The following GNAL variants were observed in gnomAD, a reference collection of about 807,000 sequenced individuals.
GNAL encodes guanine nucleotide-binding protein G(olf) subunit alpha.
In GNAL, 18 loss-of-function variants were observed where a neutral mutation model predicts 55.1. The ratio of observed to expected loss-of-function variants is 0.33; its 90% confidence interval spans 0.23 to 0.48. The LOEUF is 0.48. GNAL is among the 20% of genes least tolerant of loss of function. The pLI, the probability that GNAL is intolerant of heterozygous loss-of-function variation, is 0.99. For missense variants in GNAL, 412 were observed against 614.1 expected, an observed-to-expected ratio of 0.67 and a Z score of 3.48; for synonymous variants, 253 against 237.0, an observed-to-expected ratio of 1.07 and a Z score of -0.62.
At chr18:11,851,278 C>A in intron 5 of GNAL, 1 of 495,816 alleles carries the variant, frequency 2.0e-6, no homozygotes, top group Non-Finnish European at 3.5e-6. Context: ...CCAGAATCCC[C>A]CTGCATGCGC....
chr18:11,812,582 G>A (rs920247669), intron 4 of GNAL, among the ~76,000 whole-genome samples: 7 of 152,194 alleles, frequency 4.6e-5, no homozygotes, highest in African/African-American at 1.4e-4. Flanking sequence ...GGTGGCTCAC[G>A]CCTGTAATCC....
At chr18:11,702,616 C>A (rs1235087122) in intron 1 of GNAL, among the ~76,000 whole-genome samples, 1 of 152,154 alleles carries the variant, frequency 6.6e-6, no homozygotes, top group Non-Finnish European at 1.5e-5. Context: ...CTTCAGTCTA[C>A]AAACTGGAGC....
chr18:11,791,293 T>A (rs2034228504), intron 4 of GNAL, among the ~76,000 whole-genome samples: 1 of 152,194 alleles, frequency 6.6e-6, no homozygotes, highest in Admixed American at 6.5e-5. Flanking sequence ...TTCCTGCCTG[T>A]TTGTTTCTTT....
chr18:11,783,553 C>T (rs2033978908), intron 4 of GNAL, among the ~76,000 whole-genome samples: 1 of 152,236 alleles, frequency 6.6e-6, no homozygotes. Flanking sequence ...TTAATGAATA[C>T]ATCCTCACTC....
intron 5 of GNAL, among the ~76,000 whole-genome samples, chr18:11,843,196 TA>T (rs113159474): frequency 2.3e-3 from 322 of 139,400 alleles, no homozygotes; most frequent in Admixed American, 3.3e-3. Context: ...ACCCTGTCGC[TA>T]AAAAAAAAAA....
intron 1 of GNAL, among the ~76,000 whole-genome samples, chr18:11,713,332 C>T (rs898222972): frequency 6.6e-6 from 1 of 152,102 alleles, no homozygotes; most frequent in East Asian, 1.9e-4. Flanking sequence ...AGGCTGTTGG[C>T]GTGGGGAAGC....
intron 5 of GNAL, among the ~76,000 whole-genome samples, chr18:11,840,642 G>T (rs183097647): frequency 6.0e-4 from 92 of 152,200 alleles, no homozygotes; most frequent in African/African-American, 1.9e-3. Context: ...GTTACCCTTT[G>T]TTGACCACGT....
Position 11,810,344 on chromosome 18 carries a change from G to C in GNAL, c.625-14574G>C, listed in dbSNP as rs570164721. On this transcript the variant is annotated intron_variant, in intron 4 of 11. Coordinates refer to ENST00000334049, the MANE Select transcript of GNAL (RefSeq NM_182978.4). Reference sequence around the variant, plus strand: ...AAAGGGGCGGAGGTTGCAGTAAGCCGAGATCGCATCACTGCGCTCCAGCCT... The same window carrying C: ...AAAGGGGCGGAGGTTGCAGTAAGCCCAGATCGCATCACTGCGCTCCAGCCT... 5.2e-5 allele frequency: 8 copies of C among 152,460 alleles called. No homozygotes were observed. In the East Asian group the frequency reaches 1.5e-3, roughly 29 times the overall value. 9.4% of individuals were successfully genotyped at this position (152,460 alleles called of 1,614,324 possible).
chr18:11,859,895 G>A (rs1275411291), intron 5 of GNAL, among the ~76,000 whole-genome samples: 1 of 151,940 alleles, frequency 6.6e-6, no homozygotes. Flanking sequence ...ACAGGCATGC[G>A]TGCCACCACA....
chr18:11,775,416 C>T (rs974923026), intron 4 of GNAL, among the ~76,000 whole-genome samples: 7 of 152,266 alleles, frequency 4.6e-5, no homozygotes, highest in African/African-American at 1.7e-4. Flanking sequence ...ACTTAATCCA[C>T]ACACATGCAC....
chr18:11,719,819 G>A (rs1480491582), intron 1 of GNAL, among the ~76,000 whole-genome samples: 2 of 151,446 alleles, frequency 1.3e-5, no homozygotes, highest in Admixed American at 6.6e-5. Context: ...TGCAGCGGCC[G>A]TGGACGGTGC....
At chr18:11,800,774 C>T (rs1396979973) in intron 4 of GNAL, among the ~76,000 whole-genome samples, 1 of 152,196 alleles carries the variant, frequency 6.6e-6, no homozygotes, top group African/African-American at 2.4e-5. Flanking sequence ...AGGAAAGCCA[C>T]TTAACATTTC....
chr18:11,704,312 T>C (rs1030301586), intron 1 of GNAL, among the ~76,000 whole-genome samples: 2 of 152,286 alleles, frequency 1.3e-5, no homozygotes, highest in Middle Eastern at 6.8e-3. Flanking sequence ...GAATTAGAGA[T>C]TGGAATGCCA....
intron 5 of GNAL, chr18:11,852,400 A>C (rs1034702410): frequency 1.4e-5 from 5 of 368,540 alleles, no homozygotes; most frequent in African/African-American, 1.0e-4. Context: ...ATCTGGTCAA[A>C]ACTGTATTCA....
At chr18:11,794,829 G>T (rs1286087343) in intron 4 of GNAL, among the ~76,000 whole-genome samples, 6 of 147,988 alleles carry the variant, frequency 4.1e-5, no homozygotes, top group Non-Finnish European at 1.5e-5. Context: ...CCAGCACTTT[G>T]TTTTTTGTTT....
intron 5 of GNAL, among the ~76,000 whole-genome samples, chr18:11,841,463 T>C (rs2143733970): frequency 6.6e-6 from 1 of 151,880 alleles, no homozygotes; most frequent in Non-Finnish European, 1.5e-5. Flanking sequence ...CTGGCCAAAA[T>C]GGTGAAACCC....
intron 1 of GNAL, among the ~76,000 whole-genome samples, chr18:11,731,590 A>C (rs549632874): frequency 1.3e-5 from 2 of 152,340 alleles, no homozygotes; most frequent in South Asian, 4.1e-4. Context: ...GAACGTAGAA[A>C]TCCCACTGCG....
intron 5 of GNAL, 42 bp downstream of exon 5, chr18:11,825,057 T>G: frequency 7.0e-6 from 7 of 1,001,702 alleles, no homozygotes; most frequent in Non-Finnish European, 9.5e-6. Flanking sequence ...CTTTGAAGAA[T>G]ATGATTGCAT....
At chr18:11,691,784 A>G (rs961826137) in intron 1 of GNAL, among the ~76,000 whole-genome samples, 3 of 152,140 alleles carry the variant, frequency 2.0e-5, no homozygotes, top group Non-Finnish European at 2.9e-5. Flanking sequence ...TGGAAGCTCA[A>G]CCCCAGCTCT....
Sources: gnomAD v4.1 joint callset for allele counts (sites outside exome capture counted in the v4.1 genomes callset) on GRCh38, gnomAD v4.1.1 for gene constraint, MANE v1.5 for transcripts, NCBI Gene and HGNC (gene_info 2026-07-23, HGNC 2026-07-21) for gene names.